Variants in HPS3 observed in about 807,000 individuals in gnomAD.
HPS3 encodes the protein BLOC-2 complex member HPS3.
In HPS3, 79 loss-of-function variants were observed where a neutral mutation model predicts 110.9. The observed-to-expected ratio is 0.71, with a 90% CI of 0.59 to 0.86. The LOEUF is 0.86. Among genes scored for constraint, HPS3 ranks in the 40% least tolerant of loss-of-function variants. HPS3 has a pLI of 0.00. For synonymous variants in HPS3, 428 were observed against 451.0 expected (o/e 0.95, Z 0.65); for missense variants, 1,197 against 1,206.2 (o/e 0.99, Z 0.11).
chr3:149,139,383 G>A (rs188935029), intron 1 of HPS3, among the ~76,000 whole-genome samples: 4 of 152,294 alleles, frequency 2.6e-5, no homozygotes, highest in Admixed American at 2.6e-4. Context: ...ACCAGGCTGT[G>A]TGTTAACATT....
chr3:149,131,296 T>C lies in HPS3; in HGVS notation c.217+1356T>C, dbSNP rs548209430. 3.3e-5 allele frequency among the ~76,000 whole-genome samples: 5 copies of C among 152,318 alleles called. No individual in the cohort carries two copies. In the East Asian group the frequency reaches 9.6e-4, roughly 29 times the overall value. On this transcript the variant is annotated intron_variant, in intron 1 of 16. Transcript: ENST00000296051. ...TTGTTTTTTTTGCATTTCACTTTGT[T>C]GTACTTTGCCGATACTGCGTGTTTT... is the stretch of plus-strand genomic sequence containing the variant.
chr3:149,152,511 C>T (rs138820712), intron 6 of HPS3, among the ~76,000 whole-genome samples: 29 of 152,290 alleles, frequency 1.9e-4, no homozygotes, highest in Admixed American at 1.5e-3. Context: ...TCACACCTCA[C>T]GGTTCCTCCT....
At chr3:149,148,543 C>T (rs901890270) in intron 5 of HPS3, among the ~76,000 whole-genome samples, 3 of 151,480 alleles carry the variant, frequency 2.0e-5, no homozygotes, top group Non-Finnish European at 2.9e-5. Context: ...GCTGGGGTTA[C>T]AGGTGCCCAT....
intron 6 of HPS3, 131 bp downstream of exon 6, chr3:149,150,811 G>GAC: frequency 1.3e-6 from 1 of 748,888 alleles, no homozygotes; most frequent in Non-Finnish European, 2.4e-6. Context: ...TATTGAATTA[G>GAC]AACTTTTGGA....
At chr3:149,158,983 C>T in intron 10 of HPS3, 137 bp downstream of exon 10, 3 of 643,240 alleles carry the variant, frequency 4.7e-6, no homozygotes, top group Non-Finnish European at 8.0e-6. Context: ...AGTAATGTGA[C>T]CTTTTCTTCA....
chr3:149,143,205 C>T (rs768341653), intron 4 of HPS3, among the ~76,000 whole-genome samples: 3 of 152,174 alleles, frequency 2.0e-5, no homozygotes, highest in Admixed American at 6.5e-5. Context: ...CTAAGCCCAT[C>T]GTGTCCCACT....
intron 14 of HPS3, among the ~76,000 whole-genome samples, chr3:149,164,154 G>A (rs891701845): frequency 6.6e-6 from 1 of 152,140 alleles, no homozygotes; most frequent in African/African-American, 2.4e-5. Flanking sequence ...GTGCTGAGCG[G>A]CTGGTTTTGT....
chr3:149,151,963 A>G (rs1043649453), intron 6 of HPS3, among the ~76,000 whole-genome samples: 3 of 152,182 alleles, frequency 2.0e-5, no homozygotes, highest in African/African-American at 7.2e-5. Context: ...GGTCACTGTC[A>G]CCCAAACTGT....
chr3:149,152,303 G>A (rs1723176407), intron 6 of HPS3, among the ~76,000 whole-genome samples: 1 of 152,242 alleles, frequency 6.6e-6, no homozygotes, highest in East Asian at 1.9e-4. Flanking sequence ...GGGTGATGGT[G>A]TAATTTAAAG....
Position 149,140,489 on chromosome 3 carries a change from A to G in HPS3, c.703A>G (p.Thr235Ala), listed in dbSNP as rs201019971. ...PHKTNNRIRR[T>A]EEGISNEISQ... ...TAAGACCAACAATCGAATAAGACGGACAGAAGAAGGTAAATAATGAATTTG... is the reference window on the plus strand; with the variant it reads ...TAAGACCAACAATCGAATAAGACGGGCAGAAGAAGGTAAATAATGAATTTG... Residue 235 changes from threonine (T) to alanine (A), a missense_variant, in exon 2 of 17, where the codon ACA (threonine) becomes GCA (alanine). Transcript: ENST00000296051. 29 of 1,614,186 alleles carry G rather than the reference A, an allele frequency of 1.8e-5. No homozygotes were observed. The highest frequency in any genetic ancestry group is 2.3e-5 in the Non-Finnish European group (27 of 1,180,010).
In HPS3 at chr3:149,145,382, G is replaced by C; in HGVS notation, c.999G>C (p.Leu333Phe). The change falls in exon 5 of 17, where the codon TTG (leucine) becomes TTC (phenylalanine). Residue 333 changes from leucine (L) to phenylalanine (F), a missense_variant. By Grantham distance (22) the Leu-to-Phe change is conservative. Coordinates refer to ENST00000296051, the MANE Select transcript of HPS3 (RefSeq NM_032383.5). ...CTCTTACATCTGATGGAAAAAATTT[G>C]TCTCAGGAAAAAGAATTGCTGAGTC... ...TGSLTSDGKN[L>F]SQEKELLSLF... The C allele has an allele frequency of 6.2e-7, 1 of 1,613,776 alleles. No homozygotes were observed. Among genetic ancestry groups the C allele is most frequent in the South Asian group, 1.1e-5 (1 of 91,064 alleles).
At chr3:149,161,285 TAC>T (rs898909349) in intron 11 of HPS3, among the ~76,000 whole-genome samples, 11 of 152,320 alleles carry the variant, frequency 7.2e-5, no homozygotes, top group African/African-American at 2.6e-4. Flanking sequence ...CAGAACCTTC[TAC>T]AGTTACCAAC....
intron 1 of HPS3, among the ~76,000 whole-genome samples, chr3:149,133,594 C>T (rs368226500): frequency 4.6e-5 from 7 of 152,234 alleles, no homozygotes; most frequent in East Asian, 1.9e-4. Context: ...CCACTGTGCC[C>T]GGCCCATTGT....
chr3:149,168,072 CA>C (rs1266991318), intron 16 of HPS3, 89 bp downstream of exon 16: 1 of 792,198 alleles, frequency 1.3e-6, no homozygotes, highest in Non-Finnish European at 2.2e-6. Flanking sequence ...ATGTGATTCT[CA>C]AGTGAAACCG....
In HPS3 at chr3:149,162,184, C is replaced by G. The variant is rs142018758; in HGVS notation, c.2143C>G (p.Leu715Val). 62 of 1,614,012 alleles carry G rather than the reference C, an allele frequency of 3.8e-5. No homozygotes were observed. Among genetic ancestry groups the G allele is most frequent in the Non-Finnish European group, 5.2e-5 (61 of 1,179,924 alleles). Residue 715 changes from leucine (L) to valine (V), a missense_variant, in exon 12 of 17, where the codon CTG becomes GTG. Transcript: ENST00000296051. ...LVCGFILEPR[L>V]LIQQRKGQIV... is the part of the protein sequence containing the mutation. ...ATGTGGCTTCATTCTGGAACCTCGGCTGTTGATTCAACAGAGAAAGGGACA... is the reference window on the plus strand; with the variant it reads ...ATGTGGCTTCATTCTGGAACCTCGGGTGTTGATTCAACAGAGAAAGGGACA...
chr3:149,135,093 A>G (rs576023592), intron 1 of HPS3, among the ~76,000 whole-genome samples: 1 of 152,308 alleles, frequency 6.6e-6, no homozygotes, highest in African/African-American at 2.4e-5. Context: ...ATCTTACATC[A>G]GCCATCTATG....
At chr3:149,157,564 AG>A in intron 9 of HPS3, 33 bp downstream of exon 9, 1 of 1,601,804 alleles carries the variant, frequency 6.2e-7, no homozygotes, top group Non-Finnish European at 8.6e-7. Flanking sequence ...TTGTTACAGA[AG>A]TCATCTTGAA....
chr3:149,148,700 C>T (rs546707731), intron 5 of HPS3, among the ~76,000 whole-genome samples: 173 of 151,648 alleles, frequency 1.1e-3, no homozygotes, highest in African/African-American at 3.8e-3. Flanking sequence ...CCACCATGCC[C>T]GGCCATTTTT....
Position 149,137,142 on chromosome 3 carries a change from T to C in HPS3, c.218-2862T>C, listed in dbSNP as rs1390341158. 7.9e-5 allele frequency among the ~76,000 whole-genome samples: 12 copies of C among 152,118 alleles called. No individual in the cohort carries two copies. The East Asian group carries it at 1.9e-3, about 24-fold the overall frequency. On this transcript the variant is annotated intron_variant, in intron 1 of 16. Transcript: ENST00000296051. ...CAACTCAACAACAACCAAAAAAACT[T>C]GATTAAAAAATGGGCTAAGGACTTG...
Sources: gnomAD v4.1 joint callset for allele counts (sites outside exome capture counted in the v4.1 genomes callset) on GRCh38, gnomAD v4.1.1 for gene constraint, MANE v1.5 for transcripts, NCBI Gene and HGNC (gene_info 2026-07-23, HGNC 2026-07-21) for gene names.